Variants in MKRN2OS observed in about 807,000 individuals in gnomAD.
MKRN2OS encodes the protein MKRN2 opposite strand protein.
A neutral mutation model predicts 18.2 loss-of-function variants in MKRN2OS; 17 were observed. That is an observed-to-expected ratio of 0.93 (90% confidence interval 0.64 to 1.40). The LOEUF is 1.40. MKRN2OS is among the 40% of genes most tolerant of loss of function. MKRN2OS has a pLI of 0.00. For missense variants in MKRN2OS, 337 were observed against 283.0 expected (o/e 1.19, Z -1.37); for synonymous variants, 121 against 108.5 (o/e 1.12, Z -0.72).
At chr3:12,549,695 A>G (rs2057914515), upstream of MKRN2OS, among the ~76,000 whole-genome samples, 1 of 152,188 alleles carries the variant, frequency 6.6e-6, no homozygotes. Context: ...CTACAGATGC[A>G]TAACACCACA....
intron 1 of MKRN2OS, among the ~76,000 whole-genome samples, chr3:12,556,419 CG>C (rs2057971478): frequency 6.6e-6 from 1 of 151,874 alleles, no homozygotes; most frequent in Admixed American, 6.6e-5. Flanking sequence ...GTAGAAGGGA[CG>C]GTGGAAAGGG....
chr3:12,553,512 G>A (rs1359132939), downstream of MKRN2OS, among the ~76,000 whole-genome samples: 2 of 151,750 alleles, frequency 1.3e-5, no homozygotes, highest in Non-Finnish European at 2.9e-5. Context: ...TCTTAATTTG[G>A]CAATGGATAG....
rs62240781 is a variant in MKRN2OS, at chr3:12,545,321, G to A, written c.144C>T (p.Ile48=). Residue 48 remains isoleucine (I), a synonymous_variant, in exon 1 of 4, where the codon ATC becomes ATT. Coordinates refer to ENST00000564146, the MANE Select transcript of MKRN2OS (RefSeq NM_001195279.2). ...SRKLEDAPVS[I]ANPFTNGHQE... is the part of the protein sequence containing the mutation. The stretch of plus-strand genomic sequence containing the variant: ...GATGTCCATTAGTAAATGGATTAGC[G>A]ATGCTAACAGGTGCGTCCTCCAGCT... 97 of 1,536,000 alleles carry A rather than the reference G, an allele frequency of 6.3e-5. No homozygotes were observed. Among genetic ancestry groups the A allele is most frequent in the Middle Eastern group, 1.7e-4 (1 of 6,010 alleles).
Position 12,540,278 on chromosome 3 carries a change from T to C in MKRN2OS, c.587A>G (p.Tyr196Cys), listed in dbSNP as rs1320767684. Reference protein sequence around the residue: ...TRLASKFITLYRAIREHGFYV... With the variant: ...TRLASKFITLCRAIREHGFYV... ...GAAGCCATGCTCCCGTATCGCCCGG[T>C]AGAGTGTGATGAACTTGGATGCCAG... The change falls in exon 4 of 4, where the codon TAC becomes TGC. Residue 196 changes from tyrosine to cysteine, a missense_variant. Tyr to Cys is a radical substitution (Grantham distance 194, BLOSUM62 -2). Transcript: ENST00000564146. The C allele has an allele frequency of 2.0e-6, 3 of 1,536,010 alleles. No individual in the cohort carries two copies. The highest frequency in any genetic ancestry group is 1.7e-4 in the Middle Eastern group (1 of 5,990).
chr3:12,550,886 C>T (rs61538508), downstream of MKRN2OS, among the ~76,000 whole-genome samples: 2,198 of 152,174 alleles, frequency 0.014, 54 homozygotes, highest in African/African-American at 0.048. Flanking sequence ...CTGTGTGACT[C>T]GAATACATTC....
downstream of MKRN2OS, among the ~76,000 whole-genome samples, chr3:12,550,848 A>G (rs1186937319): frequency 6.6e-6 from 1 of 152,012 alleles, no homozygotes; most frequent in Non-Finnish European, 1.5e-5. Context: ...TGGGTAACTC[A>G]GATAACTTCC....
upstream of MKRN2OS, among the ~76,000 whole-genome samples, chr3:12,545,833 G>T (rs1384183478): frequency 2.0e-5 from 3 of 152,100 alleles, no homozygotes; most frequent in Admixed American, 6.6e-5. Context: ...TAGAGACAGG[G>T]TCTCACTCTG....
chr3:12,541,718 T>A, intron 3 of MKRN2OS, 142 bp downstream of exon 3: 1 of 910,746 alleles, frequency 1.1e-6, no homozygotes, highest in African/African-American at 1.7e-5. Context: ...CTGTTTAAAT[T>A]CTGTTAGAGA....
rs2057776668 is a variant in MKRN2OS at position 12,540,304 on chromosome 3, C to T, written c.561G>A (p.Arg187=). 1 of 1,536,000 alleles carries T rather than the reference C, an allele frequency of 6.5e-7. No individual in the cohort carries two copies. The highest frequency in any genetic ancestry group is 1.4e-5 in the African/African-American group (1 of 73,044). The change falls in exon 4 of 4, where the codon AGG becomes AGA. Residue 187 remains arginine, a synonymous_variant. Transcript: ENST00000564146. The part of the protein sequence containing the change: ...FTEKYVVPRT[R]LASKFITLYR... ...AGAGTGTGATGAACTTGGATGCCAG[C>T]CTTGTCCGCGGGACCACGTACTTCT...
intron 2 of MKRN2OS, among the ~76,000 whole-genome samples, chr3:12,542,731 A>G (rs970223807): frequency 6.6e-6 from 1 of 151,700 alleles, no homozygotes; most frequent in Non-Finnish European, 1.5e-5. Flanking sequence ...AAAAAAAAAA[A>G]AAACACTGCA....
upstream of MKRN2OS, among the ~76,000 whole-genome samples, chr3:12,548,526 G>A (rs980240876): frequency 2.0e-5 from 3 of 151,236 alleles, no homozygotes; most frequent in Admixed American, 2.0e-4. Context: ...CACCTACTTG[G>A]GAGGCTGAGA....
intron 1 of MKRN2OS, chr3:12,557,080 C>A (rs1365902452): frequency 4.8e-6 from 7 of 1,450,952 alleles, no homozygotes; most frequent in Non-Finnish European, 6.4e-6. Flanking sequence ...TGGGCCGGGC[C>A]AGGGCCAAGG....
intron 1 of MKRN2OS, 34 bp from the exon 2 acceptor site, chr3:12,543,263 G>A (rs1264626419): frequency 1.3e-6 from 2 of 1,511,656 alleles, no homozygotes; most frequent in Non-Finnish European, 8.9e-7. Context: ...TTTTTGGTTT[G>A]CATGTATTTG....
upstream of MKRN2OS, among the ~76,000 whole-genome samples, chr3:12,547,915 C>G (rs187380298): frequency 3.1e-4 from 47 of 152,308 alleles, no homozygotes; most frequent in East Asian, 8.9e-3. Flanking sequence ...CCTCAGAAAT[C>G]ATTTCAACCA....
intron 1 of MKRN2OS, among the ~76,000 whole-genome samples, chr3:12,554,719 T>C (rs1481187258): frequency 6.6e-6 from 1 of 152,072 alleles, no homozygotes; most frequent in African/African-American, 2.4e-5. Flanking sequence ...CTCCACTGAT[T>C]ATGTACGCTG....
At chr3:12,557,799 G>T (rs1177174552) in intron 1 of MKRN2OS, among the ~76,000 whole-genome samples, 1 of 152,206 alleles carries the variant, frequency 6.6e-6, no homozygotes, top group Non-Finnish European at 1.5e-5. Context: ...CCATTTTACA[G>T]TGCAGGAAAC....
upstream of MKRN2OS, among the ~76,000 whole-genome samples, chr3:12,550,343 G>C (rs143342125): frequency 6.6e-6 from 1 of 152,192 alleles, no homozygotes; most frequent in African/African-American, 2.4e-5. Flanking sequence ...TAAAAAGGCT[G>C]TATACGGTAT....
chr3:12,546,059 T>A (rs1053746103), upstream of MKRN2OS, among the ~76,000 whole-genome samples: 1 of 152,162 alleles, frequency 6.6e-6, no homozygotes, highest in African/African-American at 2.4e-5. Flanking sequence ...CCCAAAGAGC[T>A]GGAATTACAC....
At chr3:12,549,235 A>C (rs1575508049), upstream of MKRN2OS, among the ~76,000 whole-genome samples, 1 of 151,714 alleles carries the variant, frequency 6.6e-6, no homozygotes, top group African/African-American at 2.4e-5. Flanking sequence ...GAGCCACCAC[A>C]CCTGGCCTAT....
Sources: gnomAD v4.1 joint callset for allele counts (sites outside exome capture counted in the v4.1 genomes callset) on GRCh38, gnomAD v4.1.1 for gene constraint, MANE v1.5 for transcripts, NCBI Gene and HGNC (gene_info 2026-07-23, HGNC 2026-07-21) for gene names.